GPR83: variants seen among roughly 807,000 people sequenced by gnomAD.
The protein encoded by GPR83 is G protein-coupled receptor 83.
In GPR83, 23 loss-of-function variants were observed where a neutral mutation model predicts 28.0. That is an observed-to-expected ratio of 0.82 (90% CI 0.59 to 1.16). GPR83 has a LOEUF of 1.16. Among genes scored for constraint, GPR83 ranks in the 50% most tolerant of loss-of-function variants. The probability of loss-of-function intolerance (pLI) is 0.00; values close to 1 mark genes in which losing one functional copy is unlikely to be tolerated. For synonymous variants in GPR83, 234 were observed against 215.4 expected (o/e 1.09, Z -0.76); for missense variants, 610 against 536.6 (o/e 1.14, Z -1.35).
chr11:94,382,331 G>A (rs1399368167), intron 3 of GPR83, among the ~76,000 whole-genome samples: 2 of 87,488 alleles, frequency 2.3e-5, no homozygotes. Context: ...CAACAAGAGT[G>A]AAACACCATC....
chr11:94,392,825 C>CAA (rs61184055), intron 3 of GPR83, among the ~76,000 whole-genome samples: 2 of 141,386 alleles, frequency 1.4e-5, no homozygotes, highest in African/African-American at 2.6e-5. Context: ...GACTCTGTCT[C>CAA]AAAAAAAAAA....
intron 3 of GPR83, among the ~76,000 whole-genome samples, chr11:94,384,496 G>C (rs531285607): frequency 6.6e-6 from 1 of 152,290 alleles, no homozygotes; most frequent in East Asian, 1.9e-4. Flanking sequence ...AGTGGGTGCA[G>C]GACAGTGGGT....
At chr11:94,383,843 A>T (rs1944718539) in intron 3 of GPR83, among the ~76,000 whole-genome samples, 1 of 152,242 alleles carries the variant, frequency 6.6e-6, no homozygotes, top group Admixed American at 6.5e-5. Context: ...AGTAATTAAT[A>T]GCCTACCAAC....
chr11:94,394,053 T>C (rs1591607365), intron 2 of GPR83, among the ~76,000 whole-genome samples: 1 of 152,030 alleles, frequency 6.6e-6, no homozygotes, highest in African/African-American at 2.4e-5. Flanking sequence ...CCGCTGGTCA[T>C]ACTCAGGCTG....
chr11:94,397,084 A>G (rs1386811112), intron 1 of GPR83, among the ~76,000 whole-genome samples: 1 of 152,170 alleles, frequency 6.6e-6, no homozygotes, highest in Non-Finnish European at 1.5e-5. Flanking sequence ...AATTGTCACA[A>G]CATAGCATGT....
At chr11:94,390,322 A>G (rs1944804839) in intron 3 of GPR83, among the ~76,000 whole-genome samples, 1 of 151,938 alleles carries the variant, frequency 6.6e-6, no homozygotes, top group South Asian at 2.1e-4. Flanking sequence ...AATATAAAAA[A>G]GAAAAAAAAA....
At chr11:94,399,094 A>G (rs1007888882) in intron 1 of GPR83, among the ~76,000 whole-genome samples, 3 of 152,142 alleles carry the variant, frequency 2.0e-5, no homozygotes, top group Admixed American at 6.5e-5. Context: ...TCTGGGCAGC[A>G]GCAAAAAAGG....
At chr11:94,381,315 C>T (rs994126821) in intron 3 of GPR83, among the ~76,000 whole-genome samples, 3 of 152,014 alleles carry the variant, frequency 2.0e-5, no homozygotes, top group Non-Finnish European at 4.4e-5. Flanking sequence ...TGGCTTGGTG[C>T]TCTAGTTCTA....
At chr11:94,381,305 T>G (rs1468167483) in intron 3 of GPR83, among the ~76,000 whole-genome samples, 1 of 152,158 alleles carries the variant, frequency 6.6e-6, no homozygotes, top group African/African-American at 2.4e-5. Context: ...AATATCCATG[T>G]GGCTTGGTGC....
intron 3 of GPR83, among the ~76,000 whole-genome samples, chr11:94,384,045 CA>C (rs1474229851): frequency 6.6e-6 from 1 of 152,114 alleles, no homozygotes; most frequent in Non-Finnish European, 1.5e-5. Context: ...AAGAAAATTA[CA>C]GGCCAACATC....
At chr11:94,393,393 G>A (rs1231888631) in intron 3 of GPR83, 92 bp downstream of exon 3, 1 of 1,185,776 alleles carries the variant, frequency 8.4e-7, no homozygotes, top group South Asian at 1.4e-5. Context: ...TCAGACAGTT[G>A]TGAGCTCCTG....
intron 3 of GPR83, among the ~76,000 whole-genome samples, chr11:94,382,267 C>T (rs1459932918): frequency 1.4e-5 from 2 of 145,252 alleles, no homozygotes; most frequent in East Asian, 4.0e-4. Flanking sequence ...CAGGAGAACC[C>T]AGGAGGCAGA....
chr11:94,388,490 T>C (rs1944782114), intron 3 of GPR83, among the ~76,000 whole-genome samples: 1 of 151,836 alleles, frequency 6.6e-6, no homozygotes, highest in South Asian at 2.1e-4. Flanking sequence ...GGATATAAAA[T>C]CAATGTGCAA....
chr11:94,388,773 C>G (rs1297834202), intron 3 of GPR83, among the ~76,000 whole-genome samples: 2 of 152,162 alleles, frequency 1.3e-5, no homozygotes, highest in Admixed American at 1.3e-4. Flanking sequence ...GATTCAATGC[C>G]ATCCCCATCA....
rs1944635852 is a variant in GPR83, at chr11:94,377,686, G to A, written c.*2463C>T. ...GTACAGTATTCAATAAATTACATGA[G>A]ATATTCCATACTTCATTAGAAGATA... On this transcript the variant is annotated 3_prime_UTR_variant, in exon 4 of 4. Transcript: ENST00000243673. 6.6e-6 allele frequency: 1 copy of A among 152,130 alleles called. No individual in the cohort carries two copies. Among genetic ancestry groups the A allele is most frequent in the African/African-American group, 2.4e-5 (1 of 41,426 alleles). 9.4% of individuals were successfully genotyped at this position (152,130 alleles called of 1,614,324 possible). A position where few individuals can be genotyped will look rare whatever the true frequency, so the allele number is the denominator to read the frequency against.
At chr11:94,387,431 C>T (rs562631962) in intron 3 of GPR83, among the ~76,000 whole-genome samples, 1 of 151,916 alleles carries the variant, frequency 6.6e-6, no homozygotes. Context: ...AGACCGCTAG[C>T]AAGACTAATA....
chr11:94,380,826 T>G, intron 3 of GPR83, 53 bp from the exon 4 acceptor site: 1 of 1,504,114 alleles, frequency 6.6e-7, no homozygotes. Flanking sequence ...GAGATATTAG[T>G]GTGGAAAGGC....
chr11:94,391,626 AAAAC>A (rs1347604774), intron 3 of GPR83, among the ~76,000 whole-genome samples: 4 of 152,324 alleles, frequency 2.6e-5, no homozygotes, highest in East Asian at 1.9e-4. Context: ...AATTTACAAG[AAAAC>A]AAACAAACAA....
At chr11:94,400,786 G>T in intron 1 of GPR83, 75 bp downstream of exon 1, 2 of 1,401,086 alleles carry the variant, frequency 1.4e-6, no homozygotes, top group Non-Finnish European at 9.9e-7. Context: ...CAGAACGGCA[G>T]AGGGAGGCCA....
Sources: gnomAD v4.1 joint callset for allele counts (sites outside exome capture counted in the v4.1 genomes callset) on GRCh38, gnomAD v4.1.1 for gene constraint, MANE v1.5 for transcripts, NCBI Gene and HGNC (gene_info 2026-07-23, HGNC 2026-07-21) for gene names.